Variants in HDC observed in about 807,000 individuals in gnomAD.
HDC encodes histidine decarboxylase.
In HDC, 27 loss-of-function variants were observed where a neutral mutation model predicts 64.4. That is an observed-to-expected ratio of 0.42 (90% CI 0.31 to 0.58). The LOEUF (loss-of-function observed/expected upper bound fraction) is 0.58, where lower values mean the gene tolerates loss of function less well. Ranked by LOEUF, HDC falls within the 20% of genes least tolerant of loss-of-function variation. The pLI, the probability that HDC is intolerant of heterozygous loss-of-function variation, is 0.16. For missense variants in HDC, 711 were observed against 833.9 expected (o/e 0.85, Z 1.81); for synonymous variants, 305 against 314.2 (o/e 0.97, Z 0.31).
chr15:50,254,035 T>C, intron 6 of HDC, 95 bp downstream of exon 6: 3 of 1,324,688 alleles, frequency 2.3e-6, no homozygotes. Context: ...CTTTCTGCTT[T>C]TGTGTGCAGC....
intron 10 of HDC, among the ~76,000 whole-genome samples, chr15:50,247,617 CTTAG>C (rs976383283): frequency 6.6e-6 from 1 of 152,158 alleles, no homozygotes; most frequent in African/African-American, 2.4e-5. Flanking sequence ...GGCCAGAGTT[CTTAG>C]TTAAGTCCCG....
At chr15:50,258,667 CA>C (rs1449918182) in intron 2 of HDC, 150 bp from the exon 3 acceptor site, 5 of 681,994 alleles carry the variant, frequency 7.3e-6, no homozygotes, top group South Asian at 6.3e-5. Context: ...CCATGAAAAT[CA>C]GACTTGTTCA....
In HDC at chr15:50,242,009, C is replaced by T. The variant is rs758827797; in HGVS notation, c.*251G>A. 2 of 577,724 alleles carry T rather than the reference C, an allele frequency of 3.5e-6. No homozygotes were observed. The highest frequency in any genetic ancestry group is 6.2e-6 in the Non-Finnish European group (2 of 324,682). 35.8% of individuals were successfully genotyped at this position (577,724 alleles called of 1,614,324 possible). On this transcript the variant is annotated 3_prime_UTR_variant, in exon 12 of 12. Coordinates refer to ENST00000267845, the MANE Select transcript of HDC (RefSeq NM_002112.4). The stretch of plus-strand genomic sequence containing the variant: ...ATATATCATGTCACAAGCTGAACCA[C>T]AGAAGCTGCCTGTCTACCCTCGGCC...
chr15:50,265,504 T>G, intron 1 of HDC, 89 bp downstream of exon 1: 1 of 1,167,428 alleles, frequency 8.6e-7, no homozygotes, highest in East Asian at 2.3e-5. Flanking sequence ...TCCCATCAAA[T>G]GTCACCCCAG....
intron 10 of HDC, among the ~76,000 whole-genome samples, chr15:50,244,178 C>A (rs1040397016): frequency 6.6e-6 from 1 of 152,040 alleles, no homozygotes; most frequent in Non-Finnish European, 1.5e-5. Context: ...AAAAATTTCT[C>A]CAAGCATCCA....
intron 9 of HDC, among the ~76,000 whole-genome samples, chr15:50,251,841 A>AAG (rs2045559698): frequency 6.6e-6 from 1 of 151,644 alleles, no homozygotes; most frequent in East Asian, 1.9e-4. Flanking sequence ...CAGAAAAAAA[A>AAG]AAAGAAAGAA....
Position 50,258,387 on chromosome 15 carries a change from C to T in HDC, c.318+17G>A. 1 of 1,461,656 alleles carries T rather than the reference C, an allele frequency of 6.8e-7. No homozygotes were observed. The highest frequency in any genetic ancestry group is 9.6e-7 in the Non-Finnish European group (1 of 1,041,146). 90.5% of individuals were successfully genotyped at this position (1,461,656 alleles called of 1,614,324 possible). ...CTACGTTCCCCATTGCGAGTAGTTA[C>T]AGCCGTTGCTACTCACCCAGGTGAA... On this transcript the variant is annotated intron_variant, in intron 3 of 11. Transcript: ENST00000267845.
intron 3 of HDC, 41 bp from the exon 4 acceptor site, chr15:50,257,588 G>T (rs199532111): frequency 6.2e-7 from 1 of 1,611,810 alleles, no homozygotes; most frequent in Non-Finnish European, 8.5e-7. Flanking sequence ...CAGCCCCAGG[G>T]CACTGAGGTG....
At chr15:50,258,296 T>C in intron 3 of HDC, 108 bp downstream of exon 3, 1 of 716,974 alleles carries the variant, frequency 1.4e-6, no homozygotes, top group Non-Finnish European at 2.6e-6. Context: ...CCCTCATTAA[T>C]ATTTATTGTG....
In HDC at chr15:50,257,462, T is replaced by C. The variant is rs1385366348; in HGVS notation, c.404A>G (p.His135Arg). ...TCCGCCCTGGCTGCTGGGGTGGTGGTGCAAGAAGTGCTCTGGAAGTCCCAG... is the reference window on the plus strand; with the variant it reads ...TCCGCCCTGGCTGCTGGGGTGGTGGCGCAAGAAGTGCTCTGGAAGTCCCAG... ...KMLGLPEHFL[H>R]HHPSSQGGGV... is the part of the protein sequence containing the mutation. Residue 135 changes from histidine (H) to arginine (R), a missense_variant, in exon 4 of 12, where the codon CAC (histidine) becomes CGC (arginine). Physicochemically the swap from His to Arg is conservative, Grantham distance 29. Coordinates refer to ENST00000267845, the MANE Select transcript of HDC (RefSeq NM_002112.4). The C allele has an allele frequency of 6.2e-7, 1 of 1,614,216 alleles. No individual in the cohort carries two copies. The highest frequency in any genetic ancestry group is 1.3e-5 in the African/African-American group (1 of 75,050).
At chr15:50,263,851 AT>A (rs990547237) in intron 1 of HDC, among the ~76,000 whole-genome samples, 1 of 152,184 alleles carries the variant, frequency 6.6e-6, no homozygotes, top group African/African-American at 2.4e-5. Flanking sequence ...TATCTTCAGA[AT>A]TTAAAAAAAG....
At chr15:50,254,507 C>T (rs762700728) in intron 5 of HDC, 23 bp downstream of exon 5, 2 of 1,614,152 alleles carry the variant, frequency 1.2e-6, no homozygotes, top group Non-Finnish European at 1.7e-6. Flanking sequence ...ACCCGAAGGG[C>T]TGTCCTGCGT....
At chr15:50,261,857 G>A (rs1289860926) in intron 2 of HDC, among the ~76,000 whole-genome samples, 1 of 151,980 alleles carries the variant, frequency 6.6e-6, no homozygotes, top group Non-Finnish European at 1.5e-5. Flanking sequence ...TTACAGGCAT[G>A]TGCCACCATG....
intron 2 of HDC, among the ~76,000 whole-genome samples, chr15:50,261,232 C>T (rs1253969167): frequency 1.3e-5 from 2 of 152,198 alleles, no homozygotes; most frequent in Non-Finnish European, 2.9e-5. Context: ...ATGAGCCTCA[C>T]CGACCATACC....
rs187822087 is a variant in HDC, at chr15:50,257,562, G to A, written c.319-15C>T. 9.2e-4 allele frequency: 1,480 copies of A among 1,613,904 alleles called. 29 individuals carry two copies. In the South Asian group the frequency reaches 0.011, roughly 12 times the overall value. On this transcript the variant is annotated splice_polypyrimidine_tract_variant and intron_variant, in intron 3 of 11. Transcript: ENST00000267845. The stretch of plus-strand genomic sequence containing the variant: ...GGGCTGGATGCCTGAGAAAGGAAAA[G>A]GAACTTCAAACTGCACAGCCCCAGG...
chr15:50,257,396 G>A (rs201123509), intron 4 of HDC, 29 bp downstream of exon 4: 1 of 1,613,924 alleles, frequency 6.2e-7, no homozygotes. Flanking sequence ...TAGCCCCCAA[G>A]CTAGGTGAAG....
Position 50,242,163 on chromosome 15 carries a change from TG to T in HDC, c.*96del. 9.9e-7 allele frequency: 1 copy of T among 1,013,974 alleles called. No individual in the cohort carries two copies. Among genetic ancestry groups the T allele is most frequent in the Non-Finnish European group, 1.6e-6 (1 of 643,040 alleles). The allele number at this position is 1,013,974 out of a possible 1,614,324, so 62.8% of individuals were successfully genotyped here. ...AATTATGAACTCGCCCCAAGAAAAA[TG>T]CATGTACACATAAGCACACAAAGTT... On this transcript the variant is annotated 3_prime_UTR_variant, in exon 12 of 12. Transcript: ENST00000267845.
chr15:50,253,143 T>C (rs1437120148), intron 7 of HDC: 1 of 389,580 alleles, frequency 2.6e-6, no homozygotes, highest in Non-Finnish European at 4.8e-6. Context: ...TCTTTCCTAG[T>C]GGTTTCTTGC....
In HDC at chr15:50,252,778, A is replaced by C; in HGVS notation, c.788-4T>G. The C allele has an allele frequency of 6.2e-7, 1 of 1,611,724 alleles. No individual in the cohort carries two copies. The highest frequency in any genetic ancestry group is 8.5e-7 in the Non-Finnish European group (1 of 1,178,972). ...AGCCACAGCCCCTCACGGGCACCTGAGGAGGCAAACATCACCTGGCCGGAG... is the reference window on the plus strand; with the variant it reads ...AGCCACAGCCCCTCACGGGCACCTGCGGAGGCAAACATCACCTGGCCGGAG... On this transcript the variant is annotated splice_polypyrimidine_tract_variant and splice_region_variant and intron_variant, in intron 7 of 11. Coordinates refer to ENST00000267845, the MANE Select transcript of HDC (RefSeq NM_002112.4).
Sources: gnomAD v4.1 joint callset for allele counts (sites outside exome capture counted in the v4.1 genomes callset) on GRCh38, gnomAD v4.1.1 for gene constraint, MANE v1.5 for transcripts, NCBI Gene and HGNC (gene_info 2026-07-23, HGNC 2026-07-21) for gene names.